TRPC4: variants seen among roughly 807,000 people sequenced by gnomAD.
TRPC4 encodes transient receptor potential cation channel subfamily C member 4.
TRPC4 carries 49 observed loss-of-function variants against 99.4 expected under a neutral mutation model. The ratio of observed to expected loss-of-function variants is 0.49; its 90% CI spans 0.39 to 0.63. The LOEUF is 0.63. Ranked by LOEUF, TRPC4 falls within the 20% of genes least tolerant of loss-of-function variation. TRPC4 has a pLI of 0.00. For synonymous variants in TRPC4, 454 were observed against 425.9 expected, an observed-to-expected ratio of 1.07 and a Z score of -0.81; for missense variants, 898 against 1,152.9, an observed-to-expected ratio of 0.78 and a Z score of 3.20.
At chr13:37,732,918 C>G (rs559943598) in intron 3 of TRPC4, among the ~76,000 whole-genome samples, 4 of 152,212 alleles carry the variant, frequency 2.6e-5, no homozygotes, top group South Asian at 2.1e-4. Context: ...CTACCAATGT[C>G]ATTTTTCACA....
chr13:37,835,100 A>G (rs143716325), intron 1 of TRPC4, among the ~76,000 whole-genome samples: 1 of 152,268 alleles, frequency 6.6e-6, no homozygotes, highest in African/African-American at 2.4e-5. Flanking sequence ...AAACAAAACA[A>G]AACAAAATAA....
At chr13:37,792,988 A>C (rs1957160356) in intron 1 of TRPC4, among the ~76,000 whole-genome samples, 1 of 152,120 alleles carries the variant, frequency 6.6e-6, no homozygotes, top group Admixed American at 6.6e-5. Flanking sequence ...AAAAAGCCAG[A>C]GACGAGAGAA....
intron 8 of TRPC4, among the ~76,000 whole-genome samples, chr13:37,648,350 A>G (rs1387982532): frequency 6.6e-6 from 1 of 152,236 alleles, no homozygotes; most frequent in Non-Finnish European, 1.5e-5. Flanking sequence ...TCTGAAAACA[A>G]TATGTCCTTT....
chr13:37,729,536 T>C (rs559834331), intron 3 of TRPC4, among the ~76,000 whole-genome samples: 80 of 152,280 alleles, frequency 5.3e-4, no homozygotes, highest in African/African-American at 1.9e-3. Flanking sequence ...GTATTCTCAT[T>C]TCTATAGCAG....
chr13:37,833,672 C>T (rs1446568872), intron 1 of TRPC4, among the ~76,000 whole-genome samples: 3 of 152,036 alleles, frequency 2.0e-5, no homozygotes, highest in African/African-American at 4.8e-5. Context: ...TCTGGCATCT[C>T]GGGGTTTTGC....
intron 1 of TRPC4, among the ~76,000 whole-genome samples, chr13:37,795,812 A>G (rs1230613265): frequency 6.6e-6 from 1 of 152,130 alleles, no homozygotes; most frequent in Non-Finnish European, 1.5e-5. Flanking sequence ...TTTTTACCAA[A>G]TGGTGAACTT....
rs1955730502 is a variant in TRPC4 at position 37,745,469 on chromosome 13, T to TAC, written c.897+467_897+468insGT. On this transcript the variant is annotated intron_variant, in intron 3 of 10. Coordinates refer to ENST00000379705, the MANE Select transcript of TRPC4 (RefSeq NM_016179.4). ...ATATATATATATATATATATATATA[T>TAC]ATATACACACACACACACACTTATA... is the stretch of plus-strand genomic sequence containing the variant. Among the ~76,000 whole-genome samples the TAC allele has an allele frequency of 3.3e-4, 3 of 9,016 alleles. 1 individual carries two copies. Among genetic ancestry groups the TAC allele is most frequent in the African/African-American group, 6.2e-4 (3 of 4,858 alleles). 5.9% of individuals were successfully genotyped at this position (9,016 alleles called of 152,430 possible). A position where few individuals can be genotyped will look rare whatever the true frequency, so the allele number is the denominator to read the frequency against.
intron 8 of TRPC4, among the ~76,000 whole-genome samples, chr13:37,643,805 T>C (rs1251479117): frequency 6.6e-6 from 1 of 152,156 alleles, no homozygotes; most frequent in East Asian, 1.9e-4. Context: ...TGATAGTCAT[T>C]TAGCAGTAGC....
chr13:37,830,195 T>C (rs1406207887), intron 1 of TRPC4, among the ~76,000 whole-genome samples: 1 of 152,124 alleles, frequency 6.6e-6, no homozygotes, highest in African/African-American at 2.4e-5. Context: ...TTTTAAAAAG[T>C]TGAGATAAGC....
chr13:37,799,635 G>A (rs1320613607), intron 1 of TRPC4, among the ~76,000 whole-genome samples: 3 of 152,072 alleles, frequency 2.0e-5, no homozygotes, highest in Non-Finnish European at 4.4e-5. Flanking sequence ...TGGTGTTTGT[G>A]TCCTAGAAGA....
intron 3 of TRPC4, among the ~76,000 whole-genome samples, chr13:37,707,801 T>G (rs1311488301): frequency 6.6e-6 from 1 of 152,140 alleles, no homozygotes; most frequent in Non-Finnish European, 1.5e-5. Context: ...CTAGGAATGG[T>G]GTGATTAGGA....
At position 37,642,938 on chromosome 13, in the gene TRPC4, G is replaced by C. The variant is rs147267423; in HGVS notation, c.2080-3639C>G. Among the ~76,000 whole-genome samples, 1,118 of 152,050 alleles carry C rather than the reference G, an allele frequency of 7.4e-3. 17 individuals are homozygous for C. The highest frequency in any genetic ancestry group is 0.026 in the African/African-American group (1,077 of 41,438). ...TAGAGACGGGGGTTTCACCATGTTG[G>C]TCAGGCTGATCTCGAACTCCTGACC... On this transcript the variant is annotated intron_variant, in intron 8 of 10. Coordinates refer to ENST00000379705, the MANE Select transcript of TRPC4 (RefSeq NM_016179.4).
In TRPC4 at chr13:37,637,353, C is replaced by T. The variant is rs751765540; in HGVS notation, c.2484G>A (p.Pro828=). 1.2e-6 allele frequency: 2 copies of T among 1,613,480 alleles called. No individual in the cohort carries two copies. Among genetic ancestry groups the T allele is most frequent in the Admixed American group, 1.7e-5 (1 of 59,848 alleles). Residue 828 remains proline, a synonymous_variant, in exon 11 of 11, where the codon CCG becomes CCA. Coordinates refer to ENST00000379705, the MANE Select transcript of TRPC4 (RefSeq NM_016179.4). ...TCACTTTTCTCTGCTTCTCCCTGGG[C>T]GGCTCCTGAACCACCAGGGCAGAGC... ...SNGSALVVQE[P]PREKQRKVNF...
chr13:37,786,771 A>G (rs1165491401), intron 1 of TRPC4, among the ~76,000 whole-genome samples: 1 of 152,120 alleles, frequency 6.6e-6, no homozygotes, highest in Non-Finnish European at 1.5e-5. Flanking sequence ...TGTCTCCTGT[A>G]TAACACCAGA....
intron 2 of TRPC4, among the ~76,000 whole-genome samples, chr13:37,753,315 T>C (rs1031919492): frequency 8.5e-5 from 13 of 152,096 alleles, no homozygotes; most frequent in South Asian, 2.1e-4. Flanking sequence ...GAGATGCTTT[T>C]GAATAGCATT....
intron 6 of TRPC4, among the ~76,000 whole-genome samples, chr13:37,659,402 T>C (rs1044086375): frequency 1.5e-4 from 23 of 152,174 alleles, no homozygotes; most frequent in Admixed American, 9.2e-4. Flanking sequence ...CAGATGTTGA[T>C]GCTGTGCTTC....
At chr13:37,693,258 A>G (rs965537784) in intron 3 of TRPC4, among the ~76,000 whole-genome samples, 1 of 152,088 alleles carries the variant, frequency 6.6e-6, no homozygotes, top group African/African-American at 2.4e-5. Context: ...ACAGTTCAAG[A>G]ATGCTTCCAC....
At chr13:37,748,360 C>T (rs933809997) in intron 2 of TRPC4, among the ~76,000 whole-genome samples, 4 of 152,034 alleles carry the variant, frequency 2.6e-5, no homozygotes, top group African/African-American at 4.8e-5. Context: ...GATTTCTATG[C>T]TTTTTAAGCT....
chr13:37,669,789 G>C (rs947862786), intron 5 of TRPC4, among the ~76,000 whole-genome samples: 7 of 152,164 alleles, frequency 4.6e-5, no homozygotes, highest in Non-Finnish European at 8.8e-5. Flanking sequence ...ATAAGTCATA[G>C]TCACAGCAAT....
Sources: gnomAD v4.1 joint callset for allele counts (sites outside exome capture counted in the v4.1 genomes callset) on GRCh38, gnomAD v4.1.1 for gene constraint, MANE v1.5 for transcripts, NCBI Gene and HGNC (gene_info 2026-07-23, HGNC 2026-07-21) for gene names.